Variants in RIMS1 observed in about 807,000 individuals in gnomAD.
The protein encoded by RIMS1 is regulating synaptic membrane exocytosis protein 1.
In RIMS1, 83 loss-of-function variants were observed where a neutral mutation model predicts 214.1. The observed-to-expected ratio is 0.39, with a 90% CI of 0.32 to 0.47. RIMS1 has a LOEUF of 0.47. Among genes scored for constraint, RIMS1 ranks in the 20% least tolerant of loss-of-function variants. The probability of loss-of-function intolerance (pLI) is 0.99; values close to 1 mark genes in which losing one functional copy is unlikely to be tolerated. For missense variants in RIMS1, 2,050 were observed against 2,161.8 expected, an observed-to-expected ratio of 0.95 and a Z score of 1.03; for synonymous variants, 793 against 786.8, an observed-to-expected ratio of 1.01 and a Z score of -0.13.
intron 29 of RIMS1, among the ~76,000 whole-genome samples, chr6:72,384,398 A>G (rs1333427489): frequency 6.6e-6 from 1 of 151,438 alleles, no homozygotes; most frequent in Non-Finnish European, 1.5e-5. Context: ...CACTGAATCT[A>G]CTCCTCTCAG....
At chr6:72,025,114 G>A (rs1034514797) in intron 2 of RIMS1, among the ~76,000 whole-genome samples, 1 of 152,050 alleles carries the variant, frequency 6.6e-6, no homozygotes, top group African/African-American at 2.4e-5. Context: ...ATGTTGGCCA[G>A]GCTGGTCTCG....
Position 72,179,664 on chromosome 6 carries a change from A to T in RIMS1, c.561A>T (p.Thr187=). The T allele has an allele frequency of 6.2e-7, 1 of 1,613,970 alleles. No individual in the cohort carries two copies. Among genetic ancestry groups the T allele is most frequent in the Non-Finnish European group, 8.5e-7 (1 of 1,179,872 alleles). ...TCTTTGGAAGTGGCCCTCAGCAGACAAGTCAGGATGGAACCCTGAGTGATA... is the reference window on the plus strand; with the variant it reads ...TCTTTGGAAGTGGCCCTCAGCAGACTAGTCAGGATGGAACCCTGAGTGATA... The part of the protein sequence containing the change: ...AWFFGSGPQQ[T]SQDGTLSDTA... The change falls in exon 5 of 34, where the codon ACA becomes ACT. Residue 187 remains threonine (T), a synonymous_variant. Coordinates refer to ENST00000521978, the MANE Select transcript of RIMS1 (RefSeq NM_014989.7).
chr6:72,370,603 C>T (rs2098185574), intron 29 of RIMS1, among the ~76,000 whole-genome samples: 1 of 152,120 alleles, frequency 6.6e-6, no homozygotes, highest in Non-Finnish European at 1.5e-5. Context: ...TCCTCCCCCA[C>T]CAGGTTGTAA....
chr6:72,021,350 A>G (rs868343449), intron 2 of RIMS1, among the ~76,000 whole-genome samples: 1 of 152,214 alleles, frequency 6.6e-6, no homozygotes, highest in African/African-American at 2.4e-5. Flanking sequence ...TGGGTATTGA[A>G]GCTGACAGTT....
chr6:71,900,108 G>A (rs1773138212), intron 1 of RIMS1, among the ~76,000 whole-genome samples: 1 of 152,054 alleles, frequency 6.6e-6, no homozygotes, highest in Non-Finnish European at 1.5e-5. Context: ...GGTTATCCAG[G>A]TGTGCTTCCC....
At chr6:72,027,872 A>C (rs1816989126) in intron 2 of RIMS1, among the ~76,000 whole-genome samples, 1 of 152,166 alleles carries the variant, frequency 6.6e-6, no homozygotes, top group Non-Finnish European at 1.5e-5. Flanking sequence ...TCATGGTAGC[A>C]TCAATAATAA....
chr6:72,066,991 C>T (rs555141939), intron 2 of RIMS1, among the ~76,000 whole-genome samples: 15 of 152,196 alleles, frequency 9.9e-5, no homozygotes, highest in African/African-American at 3.4e-4. Flanking sequence ...TCAATACCTC[C>T]CTTGCTATCA....
At chr6:71,937,120 G>A (rs1272689990) in intron 1 of RIMS1, among the ~76,000 whole-genome samples, 6 of 152,198 alleles carry the variant, frequency 3.9e-5, no homozygotes, top group Admixed American at 6.5e-5. Context: ...ACAGAGGCAA[G>A]CACTTTTCAG....
At chr6:72,295,025 C>T (rs1006462051) in intron 26 of RIMS1, among the ~76,000 whole-genome samples, 3 of 151,688 alleles carry the variant, frequency 2.0e-5, no homozygotes, top group African/African-American at 7.2e-5. Flanking sequence ...CTGAAGATAA[C>T]TTAATTGGTT....
intron 16 of RIMS1, among the ~76,000 whole-genome samples, chr6:72,253,979 C>T (rs147019045): frequency 2.0e-5 from 3 of 152,236 alleles, no homozygotes; most frequent in African/African-American, 7.2e-5. Context: ...GATTCTCCTG[C>T]CTCAGCCTCC....
chr6:72,017,575 A>C (rs1813182787), intron 2 of RIMS1, among the ~76,000 whole-genome samples: 1 of 152,234 alleles, frequency 6.6e-6, no homozygotes, highest in African/African-American at 2.4e-5. Context: ...TTGTTTATTT[A>C]TTTAAAAATA....
intron 29 of RIMS1, among the ~76,000 whole-genome samples, chr6:72,357,495 C>T (rs917094546): frequency 4.6e-5 from 7 of 152,108 alleles, no homozygotes; most frequent in African/African-American, 9.7e-5. Context: ...GAATATGTAC[C>T]GTACTGAGAG....
chr6:72,172,667 A>G (rs1474194059), intron 4 of RIMS1, among the ~76,000 whole-genome samples: 1 of 152,216 alleles, frequency 6.6e-6, no homozygotes. Context: ...ATTGGATACC[A>G]TGACCACTGT....
chr6:72,086,311 G>T (rs1834642509), intron 2 of RIMS1, among the ~76,000 whole-genome samples: 1 of 152,096 alleles, frequency 6.6e-6, no homozygotes, highest in South Asian at 2.1e-4. Flanking sequence ...TACAGCTGGT[G>T]TTAGGTGAAA....
intron 4 of RIMS1, among the ~76,000 whole-genome samples, chr6:72,178,819 A>C (rs1482849923): frequency 6.6e-6 from 1 of 152,160 alleles, no homozygotes; most frequent in Non-Finnish European, 1.5e-5. Flanking sequence ...AGTTTATTTT[A>C]AGTGGTGCTA....
At chr6:72,148,050 C>T (rs1295439473) in intron 4 of RIMS1, among the ~76,000 whole-genome samples, 1 of 152,188 alleles carries the variant, frequency 6.6e-6, no homozygotes, top group Non-Finnish European at 1.5e-5. Flanking sequence ...TTAGCCCCTC[C>T]TCAAGAGATT....
intron 1 of RIMS1, among the ~76,000 whole-genome samples, chr6:71,945,282 G>A (rs1787446547): frequency 6.6e-6 from 1 of 152,140 alleles, no homozygotes; most frequent in African/African-American, 2.4e-5. Flanking sequence ...GAAAAAAAGA[G>A]ATATTGAGGG....
In RIMS1 at chr6:72,361,086, GTCTT is replaced by G. The variant is rs1374923429; in HGVS notation, c.4366+27261_4366+27264del. On this transcript the variant is annotated intron_variant, in intron 29 of 33. Coordinates refer to ENST00000521978, the MANE Select transcript of RIMS1 (RefSeq NM_014989.7). ...TTTGAGTAATCTTCTGTAGGAACGG[GTCTT>G]TCTTTCTTTTTTTTTTTTTTTTTTT... is the stretch of plus-strand genomic sequence containing the variant. Among the ~76,000 whole-genome samples the G allele has an allele frequency of 1.6e-3, 221 of 135,154 alleles. 3 individuals are homozygous for G. Among genetic ancestry groups the G allele is most frequent in the African/African-American group, 5.8e-3 (209 of 36,264 alleles). 88.7% of individuals were successfully genotyped at this position (135,154 alleles called of 152,430 possible).
At chr6:72,332,729 G>T (rs1361094282) in intron 28 of RIMS1, among the ~76,000 whole-genome samples, 1 of 150,628 alleles carries the variant, frequency 6.6e-6, no homozygotes, top group Non-Finnish European at 1.5e-5. Flanking sequence ...CTGCTTGCTT[G>T]CCCTACCTCT....
Sources: gnomAD v4.1 joint callset for allele counts (sites outside exome capture counted in the v4.1 genomes callset) on GRCh38, gnomAD v4.1.1 for gene constraint, MANE v1.5 for transcripts, NCBI Gene and HGNC (gene_info 2026-07-23, HGNC 2026-07-21) for gene names.